Variants in HSF5 observed in about 807,000 individuals in gnomAD.
The protein encoded by HSF5 is heat shock factor protein 5.
HSF5 carries 5 observed loss-of-function variants against 50.8 expected under a neutral mutation model. The ratio of observed to expected loss-of-function variants is 0.10; its 90% CI spans 0.05 to 0.21. HSF5 has a LOEUF of 0.21. Ranked by LOEUF, HSF5 falls within the 10% of genes least tolerant of loss-of-function variation. The pLI, the probability that HSF5 is intolerant of heterozygous loss-of-function variation, is 1.00. For synonymous variants in HSF5, 307 were observed against 307.4 expected (o/e 1.00, Z 0.02); for missense variants, 564 against 762.6 (o/e 0.74, Z 3.07).
chr17:58,476,402 G>A, intron 2 of HSF5: 3 of 1,013,832 alleles, frequency 3.0e-6, no homozygotes. Context: ...GGTTCCTCAT[G>A]CTGCCTCTTC....
intron 3 of HSF5, among the ~76,000 whole-genome samples, chr17:58,465,139 T>G (rs1242789781): frequency 9.7e-6 from 1 of 103,056 alleles, no homozygotes. Flanking sequence ...TCTCTCTCCC[T>G]CCCTCCCTCC....
intron 5 of HSF5, among the ~76,000 whole-genome samples, chr17:58,451,669 C>A (rs560434276): frequency 6.6e-6 from 1 of 151,954 alleles, no homozygotes; most frequent in Non-Finnish European, 1.5e-5. Flanking sequence ...TACCAAAAAC[C>A]TATGTGATAC....
At chr17:58,431,733 C>A (rs1355127596) in intron 5 of HSF5, among the ~76,000 whole-genome samples, 1 of 152,154 alleles carries the variant, frequency 6.6e-6, no homozygotes, top group Admixed American at 6.5e-5. Context: ...ACTTGTGTAA[C>A]CCTATTGGAC....
chr17:58,427,617 A>T (rs538402051), intron 5 of HSF5, among the ~76,000 whole-genome samples: 96 of 152,344 alleles, frequency 6.3e-4, no homozygotes, highest in African/African-American at 2.0e-3. Context: ...GATGAAATTT[A>T]AATGATATTT....
chr17:58,448,251 A>G (rs535874824), intron 5 of HSF5, among the ~76,000 whole-genome samples: 5 of 152,226 alleles, frequency 3.3e-5, no homozygotes, highest in African/African-American at 1.2e-4. Flanking sequence ...GGACAGAATT[A>G]CAAAGAGCAA....
intron 2 of HSF5, among the ~76,000 whole-genome samples, chr17:58,469,296 G>C (rs1974913656): frequency 6.6e-6 from 1 of 152,066 alleles, no homozygotes; most frequent in African/African-American, 2.4e-5. Context: ...TACACATTTT[G>C]AATAGGTGTA....
intron 5 of HSF5, among the ~76,000 whole-genome samples, chr17:58,439,396 A>G (rs146994026): frequency 6.6e-6 from 1 of 152,178 alleles, no homozygotes; most frequent in African/African-American, 2.4e-5. Flanking sequence ...AGAGAGCTAT[A>G]AGAAGATATT....
chr17:58,424,378 C>T (rs1343514499), intron 5 of HSF5, among the ~76,000 whole-genome samples: 4 of 146,650 alleles, frequency 2.7e-5, no homozygotes, highest in South Asian at 4.3e-4. Context: ...TTTGGGAGGC[C>T]GAGGCAGGCA....
At position 58,422,445 on chromosome 17, in the gene HSF5, T is replaced by G. The variant is rs775048649; in HGVS notation, c.1721-15A>C. On this transcript the variant is annotated splice_polypyrimidine_tract_variant and intron_variant, in intron 5 of 5. Transcript: ENST00000323777. ...CAGATGAAGATCTAGAAAGAAAGGATAGTTTACTCCCTCTTAGCCTCTCTG... is the reference window on the plus strand; with the variant it reads ...CAGATGAAGATCTAGAAAGAAAGGAGAGTTTACTCCCTCTTAGCCTCTCTG... 1.9e-6 allele frequency: 3 copies of G among 1,610,806 alleles called. No homozygotes were observed. The Admixed American group carries it at 5.0e-5, about 27-fold the overall frequency.
intron 4 of HSF5, among the ~76,000 whole-genome samples, chr17:58,462,145 T>C (rs142096279): frequency 1.7e-3 from 260 of 152,368 alleles, no homozygotes; most frequent in South Asian, 6.0e-3. Context: ...TTGACTTTGT[T>C]TCTGTGGATG....
intron 2 of HSF5, among the ~76,000 whole-genome samples, chr17:58,478,475 C>CAA (rs1189444544): frequency 8.6e-5 from 5 of 57,930 alleles, no homozygotes; most frequent in Non-Finnish European, 3.6e-5. Flanking sequence ...GACTCCATCT[C>CAA]AAAAAAAAAA....
At chr17:58,482,773 G>A (rs1347476471) in intron 1 of HSF5, among the ~76,000 whole-genome samples, 1 of 128,792 alleles carries the variant, frequency 7.8e-6, no homozygotes, top group Non-Finnish European at 1.7e-5. Flanking sequence ...GTGAGATCTT[G>A]TCTTTACAAA....
At chr17:58,484,442 G>T (rs1005991934) in intron 1 of HSF5, among the ~76,000 whole-genome samples, 2 of 152,200 alleles carry the variant, frequency 1.3e-5, no homozygotes, top group African/African-American at 4.8e-5. Flanking sequence ...ATAGTTGAGG[G>T]TAAAAGGTCA....
chr17:58,445,815 T>C (rs1023564446), intron 5 of HSF5, among the ~76,000 whole-genome samples: 1 of 152,130 alleles, frequency 6.6e-6, no homozygotes, highest in Non-Finnish European at 1.5e-5. Flanking sequence ...ACAATGTGAA[T>C]ATACTACTGA....
At chr17:58,424,003 T>C (rs1160667290) in intron 5 of HSF5, among the ~76,000 whole-genome samples, 1 of 152,192 alleles carries the variant, frequency 6.6e-6, no homozygotes, top group African/African-American at 2.4e-5. Context: ...TAGAAAGCAT[T>C]TGAAATAGTA....
chr17:58,462,760 AT>A, intron 4 of HSF5, 21 bp downstream of exon 4: 4 of 1,558,718 alleles, frequency 2.6e-6, no homozygotes, highest in Middle Eastern at 1.7e-4. Context: ...CTTTATAAGC[AT>A]TTTTTTCTTT....
chr17:58,442,523 G>C (rs1193580462), intron 5 of HSF5, among the ~76,000 whole-genome samples: 1 of 152,108 alleles, frequency 6.6e-6, no homozygotes, highest in Non-Finnish European at 1.5e-5. Context: ...GCCATTCCTA[G>C]TTTGTTGAGA....
rs547905456 is a variant in HSF5 at position 58,459,418 on chromosome 17, T to G, written c.1543-473A>C. Among the ~76,000 whole-genome samples, 24 of 151,964 alleles carry G rather than the reference T, an allele frequency of 1.6e-4. No homozygotes were observed. In the South Asian group the frequency reaches 5.0e-3, roughly 32 times the overall value. The stretch of plus-strand genomic sequence containing the variant: ...ATCCCAGCACTTTGGGAGGCCAAGG[T>G]GGGCAGATCATGAGGTCAGGAGTTC... On this transcript the variant is annotated intron_variant, in intron 4 of 5. Transcript: ENST00000323777.
rs188288613 is a variant in HSF5 at position 58,477,173 on chromosome 17, G to A, written c.925+2720C>T. On this transcript the variant is annotated intron_variant, in intron 2 of 5. Transcript: ENST00000323777. ...CCTGCTCTGTCACCCAGGCTGGAGT[G>A]CAATGGCGTGATCTTGGCTCACCAC... Among the ~76,000 whole-genome samples the A allele has an allele frequency of 2.4e-3, 352 of 147,850 alleles. 2 individuals carry two copies. Among genetic ancestry groups the A allele is most frequent in the African/African-American group, 8.6e-3 (339 of 39,514 alleles).
Sources: allele counts gnomAD v4.1 joint callset (sites outside exome capture counted in the v4.1 genomes callset), GRCh38; gene constraint gnomAD v4.1.1; transcripts MANE v1.5; gene names NCBI Gene and HGNC (gene_info 2026-07-23, HGNC 2026-07-21).